Variants in SORCS3 observed in about 807,000 individuals in gnomAD.
SORCS3 encodes the protein sortilin related VPS10 domain containing receptor 3.
Under a neutral mutation model 146.3 loss-of-function variants are expected in SORCS3, and 57 were observed. That is an observed-to-expected ratio of 0.39 (90% CI 0.31 to 0.49). SORCS3 has a LOEUF of 0.49. SORCS3 is among the 20% of genes least tolerant of loss of function. SORCS3 has a pLI of 0.92. For missense variants in SORCS3, 1,341 were observed against 1,575.5 expected, an observed-to-expected ratio of 0.85 and a Z score of 2.52; for synonymous variants, 653 against 618.5, an observed-to-expected ratio of 1.06 and a Z score of -0.83.
chr10:104,770,483 A>G (rs1167613938), intron 1 of SORCS3, among the ~76,000 whole-genome samples: 4 of 152,032 alleles, frequency 2.6e-5, no homozygotes, highest in African/African-American at 9.7e-5. Flanking sequence ...TAGAAGTACA[A>G]TGAGTCACAT....
At chr10:105,173,977 G>A (rs1564775323) in intron 13 of SORCS3, among the ~76,000 whole-genome samples, 1 of 152,096 alleles carries the variant, frequency 6.6e-6, no homozygotes, top group Non-Finnish European at 1.5e-5. Context: ...TATTTTAGTT[G>A]TTTCCATGAT....
At chr10:104,805,731 C>T (rs770521483) in intron 1 of SORCS3, among the ~76,000 whole-genome samples, 11 of 152,044 alleles carry the variant, frequency 7.2e-5, no homozygotes, top group Admixed American at 1.3e-4. Context: ...CTCACATTTC[C>T]CCTGCCTTCA....
chr10:105,217,034 G>GC lies in SORCS3; in HGVS notation c.2646_2647insC (p.Tyr883LeufsTer2). 1 of 1,614,198 alleles carries GC rather than the reference G, an allele frequency of 6.2e-7. No homozygotes were observed. The highest frequency in any genetic ancestry group is 8.5e-7 in the Non-Finnish European group (1 of 1,180,024). On this transcript the variant is annotated frameshift_variant, in exon 19 of 27. Transcript: ENST00000369701. LOFTEE classifies it high-confidence loss of function. Reference sequence around the variant, plus strand: ...CCATCGAGGACGGCATCAAGCACGTGTATAAGAGTGCGGGGATCTTCCAGG... The same window carrying GC: ...CCATCGAGGACGGCATCAAGCACGTGCTATAAGAGTGCGGGGATCTTCCAGG...
chr10:105,242,618 TTATATATATTTATATACATTTA>T (rs1564793695), intron 20 of SORCS3, among the ~76,000 whole-genome samples: 2 of 100,640 alleles, frequency 2.0e-5, no homozygotes, highest in South Asian at 3.5e-4. Flanking sequence ...TTATATATAT[TTATATATATTTATATACATTTA>T]TATATATATT....
chr10:104,642,022 G>GGGGGGGGGGGGGGGGGGGGGGCCCCCC, intron 1 of SORCS3, 68 bp downstream of exon 1: 3 of 173,332 alleles, frequency 1.7e-5, no homozygotes, highest in East Asian at 1.5e-4. Flanking sequence ...GGGTGGGTGG[G>GGGGGGGGGGGGGGGGGGGGGGCCCCCC]AGCGAGGGAC....
At chr10:104,928,223 G>T (rs1027356902) in intron 3 of SORCS3, among the ~76,000 whole-genome samples, 9 of 152,062 alleles carry the variant, frequency 5.9e-5, no homozygotes, top group Non-Finnish European at 1.2e-4. Flanking sequence ...TCTGAGCAGG[G>T]GCTTGAAAGC....
Position 105,178,153 on chromosome 10 carries a change from A to C in SORCS3, c.1989A>C (p.Gly663=). 1.2e-6 allele frequency: 2 copies of C among 1,613,034 alleles called. No homozygotes were observed. Among genetic ancestry groups the C allele is most frequent in the Non-Finnish European group, 1.7e-6 (2 of 1,179,380 alleles). Residue 663 remains glycine (G), a synonymous_variant, in exon 14 of 27, where the codon GGA becomes GGC. Coordinates refer to ENST00000369701, the MANE Select transcript of SORCS3 (RefSeq NM_014978.3). The part of the protein sequence containing the change: ...LFVDGALVEA[G]METHIMTVFG... ...TTGACGGGGCTCTGGTGGAGGCAGG[A>C]ATGGAGACCCACATCATGACGTGAG...
intron 16 of SORCS3, among the ~76,000 whole-genome samples, chr10:105,210,298 A>G (rs1360363214): frequency 6.6e-6 from 1 of 152,210 alleles, no homozygotes; most frequent in Non-Finnish European, 1.5e-5. Flanking sequence ...ATTTTGCCCC[A>G]TCGGTGGGTT....
intron 3 of SORCS3, among the ~76,000 whole-genome samples, chr10:104,943,215 C>T (rs1193348863): frequency 6.6e-6 from 1 of 151,976 alleles, no homozygotes; most frequent in East Asian, 1.9e-4. Context: ...CTGCAACATC[C>T]GCCTCTTAAG....
intron 1 of SORCS3, among the ~76,000 whole-genome samples, chr10:104,686,915 G>A (rs1213428466): frequency 7.0e-6 from 1 of 142,920 alleles, no homozygotes; most frequent in Non-Finnish European, 1.6e-5. Context: ...CTTTCCATCT[G>A]TCAATCCATC....
chr10:104,842,123 C>T (rs2018148134), intron 1 of SORCS3, among the ~76,000 whole-genome samples: 1 of 152,196 alleles, frequency 6.6e-6, no homozygotes, highest in Admixed American at 6.5e-5. Context: ...ATACGTCCAG[C>T]TTCCTTTTGG....
chr10:104,888,664 A>G (rs1048167917), intron 2 of SORCS3, among the ~76,000 whole-genome samples: 2 of 152,342 alleles, frequency 1.3e-5, no homozygotes, highest in Middle Eastern at 3.4e-3. Context: ...ATACTTAACA[A>G]TTGGTATGAC....
chr10:104,641,623 GT>G lies in SORCS3; in HGVS notation c.297del (p.Glu100ArgfsTer69). On this transcript the variant is annotated frameshift_variant, in exon 1 of 27. Transcript: ENST00000369701. LOFTEE classifies it high-confidence loss of function. This position sits in a 1 kb window ranked among gnomAD's most constrained non-coding sequence, Gnocchi z 6.4. ...LLPQQGGGRG[G>X]EMQVEAGGTS... ...CCCCAGCAGGGCGGCGGCAGAGGCG[GT>G]GAGATGCAGGTGGAAGCCGGAGGGA... is the stretch of plus-strand genomic sequence containing the variant. 1 of 1,521,922 alleles carries G rather than the reference GT, an allele frequency of 6.6e-7. No homozygotes were observed. Among genetic ancestry groups the G allele is most frequent in the Non-Finnish European group, 8.8e-7 (1 of 1,140,966 alleles). 94.3% of individuals were successfully genotyped at this position (1,521,922 alleles called of 1,614,324 possible).
At chr10:105,113,480 T>G (rs1166396868) in intron 7 of SORCS3, among the ~76,000 whole-genome samples, 1 of 152,202 alleles carries the variant, frequency 6.6e-6, no homozygotes, top group African/African-American at 2.4e-5. Context: ...CTCTCCTGGT[T>G]GCCCCTATAA....
chr10:104,957,249 A>G (rs60624871), intron 3 of SORCS3, among the ~76,000 whole-genome samples: 9,024 of 152,264 alleles, frequency 0.059, 262 homozygotes, highest in African/African-American at 0.074. Context: ...AAATGATTCG[A>G]TCTTAAAAAC....
chr10:104,650,066 C>T (rs1354586514), intron 1 of SORCS3, among the ~76,000 whole-genome samples: 1 of 152,188 alleles, frequency 6.6e-6, no homozygotes, highest in Non-Finnish European at 1.5e-5. Flanking sequence ...CTTTCCTCTT[C>T]TGTATTTGTG....
intron 1 of SORCS3, among the ~76,000 whole-genome samples, chr10:104,677,941 T>A (rs1278213462): frequency 6.6e-6 from 1 of 152,148 alleles, no homozygotes. Flanking sequence ...GTTTCCTCCC[T>A]TTTGCAGTGT....
intron 2 of SORCS3, among the ~76,000 whole-genome samples, chr10:104,893,945 C>A (rs558423597): frequency 2.0e-5 from 3 of 152,172 alleles, no homozygotes; most frequent in African/African-American, 7.2e-5. Context: ...CACTCCCAAC[C>A]GGCAAATTCA....
chr10:105,186,988 C>A (rs1019113845), intron 14 of SORCS3, among the ~76,000 whole-genome samples: 2 of 152,008 alleles, frequency 1.3e-5, no homozygotes, highest in African/African-American at 4.8e-5. Flanking sequence ...TGTCATTGCT[C>A]AACTCCAGAC....
Sources: gnomAD v4.1 joint callset for allele counts (sites outside exome capture counted in the v4.1 genomes callset) on GRCh38, gnomAD v4.1.1 for gene constraint, Gnocchi (gnomAD v3.1) non-coding constraint, MANE v1.5 for transcripts, NCBI Gene and HGNC (gene_info 2026-07-23, HGNC 2026-07-21) for gene names.